The following NFRKB variants were observed in gnomAD, a reference collection of about 807,000 sequenced individuals.
The protein encoded by NFRKB is nuclear factor related to kappa-B-binding protein.
In NFRKB, 62 loss-of-function variants were observed where a neutral mutation model predicts 135.7. The ratio of observed to expected loss-of-function variants is 0.46; its 90% CI spans 0.37 to 0.56. The LOEUF is 0.56. Among genes scored for constraint, NFRKB ranks in the 20% least tolerant of loss-of-function variants. The pLI is 0.00. For synonymous variants in NFRKB, 678 were observed against 635.6 expected (o/e 1.07, Z -1.00); for missense variants, 1,545 against 1,662.0 (o/e 0.93, Z 1.22).
In NFRKB at chr11:129,878,257, T is replaced by C. The variant is rs1317624819; in HGVS notation, c.1511+52A>G. ...AAGTATTAACAAAACCAAGGCAGTA[T>C]CTGAACTACAGTTTCCCAGGACACC... On this transcript the variant is annotated intron_variant, in intron 15 of 26. Transcript: ENST00000682444. The C allele has an allele frequency of 7.0e-6, 11 of 1,580,662 alleles. No homozygotes were observed. In the African/African-American group the frequency reaches 1.5e-4, roughly 21 times the overall value.
rs767088014 is a variant in NFRKB, at chr11:129,883,113, G to A, written c.901+9C>T. 3.7e-6 allele frequency: 6 copies of A among 1,613,718 alleles called. No individual in the cohort carries two copies. The East Asian group carries it at 1.1e-4, about 30-fold the overall frequency. ...AGATGAAGGCTCCTAGAGGGGCCCA[G>A]TCATTTACCTGCCAGAGAGCCCTTC... On this transcript the variant is annotated intron_variant, in intron 9 of 26. Transcript: ENST00000682444.
At chr11:129,883,304 C>T (rs1949118055) in intron 8 of NFRKB, 98 bp from the exon 9 acceptor site, 1 of 832,218 alleles carries the variant, frequency 1.2e-6, no homozygotes, top group Middle Eastern at 2.3e-4. Context: ...GTTAGGTACA[C>T]TTGGGGAAAT....
chr11:129,885,177 G>A (rs571683285), intron 6 of NFRKB, among the ~76,000 whole-genome samples: 3 of 152,180 alleles, frequency 2.0e-5, no homozygotes, highest in East Asian at 1.9e-4. Context: ...GCAGGGAGTC[G>A]TCTGGCGGGC....
rs1131972 is a variant in NFRKB, at chr11:129,884,749, A to G, written c.738T>C (p.Thr246=). ...VPTLSTTDMK[T]ADKVELGDSD... ...CAGCGGCAGCTTGGTTCTCACCTGCAGTTTTCATATCCGTGGTTGAAAGTG... is the reference window on the plus strand; with the variant it reads ...CAGCGGCAGCTTGGTTCTCACCTGCGGTTTTCATATCCGTGGTTGAAAGTG... The change falls in exon 7 of 27, where the codon ACT becomes ACC. Residue 246 remains threonine, a synonymous_variant. Transcript: ENST00000682444. The G allele has an allele frequency of 0.72, 1,155,063 of 1,613,148 alleles. 416,271 individuals carry two copies. The highest frequency in any genetic ancestry group is 0.94 in the African/African-American group (70,857 of 75,024).
Position 129,876,605 on chromosome 11 carries a change from TG to T in NFRKB, c.1747+115del, listed in dbSNP as rs372938900. Reference sequence around the variant, plus strand: ...TGCAATGCTTTGAAAAACTATGCCTTGTTCTCAAAGCCTACCCTGGGTGGAG... The same window carrying T: ...TGCAATGCTTTGAAAAACTATGCCTTTTCTCAAAGCCTACCCTGGGTGGAG... On this transcript the variant is annotated intron_variant, in intron 17 of 26. Coordinates refer to ENST00000682444, the MANE Select transcript of NFRKB (RefSeq NM_001143835.2). The T allele has an allele frequency of 2.8e-5, 33 of 1,159,076 alleles. No individual in the cohort carries two copies. The African/African-American group carries it at 4.8e-4, about 17-fold the overall frequency. 71.8% of individuals were successfully genotyped at this position (1,159,076 alleles called of 1,614,324 possible). A position where few individuals can be genotyped will look rare whatever the true frequency, so the allele number is the denominator to read the frequency against.
chr11:129,885,601 C>A lies in NFRKB; in HGVS notation c.474G>T (p.Leu158=). The change falls in exon 6 of 27, where the codon CTG becomes CTT. Residue 158 remains leucine, a synonymous_variant. Transcript: ENST00000682444. The part of the protein sequence containing the change: ...KQILASRSDL[L]EMARRSGPAL... ...CGGGGCCACTCCGCCGGGCCATCTC[C>A]AGCAGATCCTAGGTAGAGATCAGGT... The A allele has an allele frequency of 6.2e-7, 1 of 1,609,368 alleles. No homozygotes were observed. The highest frequency in any genetic ancestry group is 8.5e-7 in the Non-Finnish European group (1 of 1,176,544).
intron 3 of NFRKB, among the ~76,000 whole-genome samples, chr11:129,892,451 C>G (rs1259763054): frequency 6.6e-6 from 1 of 152,082 alleles, no homozygotes; most frequent in African/African-American, 2.4e-5. Flanking sequence ...TGAAAATTAT[C>G]TTGTTAAAAA....
chr11:129,877,193 C>T, intron 16 of NFRKB, 132 bp downstream of exon 16: 1 of 935,168 alleles, frequency 1.1e-6, no homozygotes, highest in South Asian at 1.5e-5. Flanking sequence ...ACAAGTAATC[C>T]CAGCCAACAG....
Position 129,881,487 on chromosome 11 carries a change from G to A in NFRKB, c.1340C>T (p.Pro447Leu), listed in dbSNP as rs955284418. ...GGTTTTCTCTTTGAATTCAACAAAT[G>A]GAGAGAAACTGGAAGGAACAGCTGC... ...ESRAVPSSFSPFVEFKEKTQQ... is the reference protein window; with the variant it reads ...ESRAVPSSFSLFVEFKEKTQQ... Residue 447 changes from proline (P) to leucine (L), a missense_variant, in exon 13 of 27, where the codon CCA (proline) becomes CTA (leucine). Coordinates refer to ENST00000682444, the MANE Select transcript of NFRKB (RefSeq NM_001143835.2). 3 of 1,614,004 alleles carry A rather than the reference G, an allele frequency of 1.9e-6. No individual in the cohort carries two copies. Among genetic ancestry groups the A allele is most frequent in the Non-Finnish European group, 2.5e-6 (3 of 1,180,038 alleles).
intron 3 of NFRKB, among the ~76,000 whole-genome samples, chr11:129,890,039 T>TTG (rs769518683): frequency 1.3e-5 from 2 of 150,620 alleles, no homozygotes; most frequent in Admixed American, 6.6e-5. Context: ...GTTTTTTTTT[T>TTG]TTGTTTTTTT....
At position 129,888,597 on chromosome 11, in the gene NFRKB, G is replaced by T. The variant is rs758993367; in HGVS notation, c.334C>A (p.Arg112=). 1.2e-6 allele frequency: 2 copies of T among 1,614,102 alleles called. No homozygotes were observed. Among genetic ancestry groups the T allele is most frequent in the Non-Finnish European group, 1.7e-6 (2 of 1,180,002 alleles). ...NPLHIAQKLF[R]DGHFNPEVVK... is the part of the protein sequence containing the mutation. The stretch of plus-strand genomic sequence containing the variant: ...GAAAGAATACTGAGCTACAAACCTC[G>T]GAAAAGCTTCTGGGCAATGTGCAGA... The change falls in exon 4 of 27, where the codon CGA becomes AGA. Residue 112 remains arginine (R), a synonymous_variant. Coordinates refer to ENST00000682444, the MANE Select transcript of NFRKB (RefSeq NM_001143835.2).
intron 4 of NFRKB, 33 bp downstream of exon 4, chr11:129,888,560 AC>A (rs779528129): frequency 4.4e-6 from 7 of 1,592,792 alleles, no homozygotes; most frequent in Non-Finnish European, 6.0e-6. Context: ...CCCATCCACC[AC>A]CCCCCTCAAA....
In NFRKB at chr11:129,870,412, A is replaced by G. The variant is rs1056313558; in HGVS notation, c.2764-151T>C. 7 of 876,742 alleles carry G rather than the reference A, an allele frequency of 8.0e-6. No homozygotes were observed. In the African/African-American group the frequency reaches 1.0e-4, roughly 13 times the overall value. 54.3% of individuals were successfully genotyped at this position (876,742 alleles called of 1,614,324 possible). On this transcript the variant is annotated intron_variant, in intron 23 of 26. Coordinates refer to ENST00000682444, the MANE Select transcript of NFRKB (RefSeq NM_001143835.2). ...AACATTCACAGAAGTAGAGAACAGTATAACAAACCCTTATACCCTTTCACC... is the reference window on the plus strand; with the variant it reads ...AACATTCACAGAAGTAGAGAACAGTGTAACAAACCCTTATACCCTTTCACC...
Position 129,864,767 on chromosome 11 carries a change from C to T in NFRKB, c.3858G>A (p.Val1286=). Reference sequence around the variant, plus strand: ...CCTGTTTAGGAGACGGAGCTGTAGTCACAACAACAGTGGAGACTGCTTTGG... The same window carrying T: ...CCTGTTTAGGAGACGGAGCTGTAGTTACAACAACAGTGGAGACTGCTTTGG... ...GSSKAVSTVV[V]TTAPSPKQAP... is the part of the protein sequence containing the mutation. Residue 1286 remains valine (V), a synonymous_variant, in exon 27 of 27, where the codon GTG becomes GTA. Transcript: ENST00000682444. 1 of 1,614,212 alleles carries T rather than the reference C, an allele frequency of 6.2e-7. No individual in the cohort carries two copies. Among genetic ancestry groups the T allele is most frequent in the East Asian group, 2.2e-5 (1 of 44,884 alleles).
chr11:129,874,753 TCCCCAGTCTG>T lies in NFRKB; in HGVS notation c.1978+30_1978+39del, dbSNP rs2135646799. On this transcript the variant is annotated intron_variant, in intron 19 of 26. Coordinates refer to ENST00000682444, the MANE Select transcript of NFRKB (RefSeq NM_001143835.2). The surrounding 1 kb of genome is among the most constrained non-coding windows in gnomAD (Gnocchi z 4.5). ...AATTGGGGTAGAAAGTCAGAACGTA[TCCCCAGTCTG>T]GTCGGACAGTGCCCAGAGGCCTCAC... 1 of 1,613,998 alleles carries T rather than the reference TCCCCAGTCTG, an allele frequency of 6.2e-7. No homozygotes were observed. The highest frequency in any genetic ancestry group is 2.2e-5 in the East Asian group (1 of 44,882).
Position 129,885,546 on chromosome 11 carries a change from G to A in NFRKB, c.529C>T (p.Pro177Ser). ...ALPFRQKRPS[P>S]SRTPEEREWR... ...TCCCGCTCCTCAGGTGTGCGGGATG[G>A]TGAAGGGCGTTTCTGCCGGAAGGGA... Residue 177 changes from proline (P) to serine (S), a missense_variant, in exon 6 of 27, where the codon CCA becomes TCA. Pro to Ser is a moderately conservative substitution (Grantham distance 74). This residue lies in a region of NFRKB where 678 missense variants were observed against 646.7 expected (regional missense o/e 1.05). Transcript: ENST00000682444. 2 of 1,614,030 alleles carry A rather than the reference G, an allele frequency of 1.2e-6. No homozygotes were observed. Among genetic ancestry groups the A allele is most frequent in the Non-Finnish European group, 1.7e-6 (2 of 1,179,868 alleles).
chr11:129,874,211 T>C lies in NFRKB; in HGVS notation c.2181A>G (p.Thr727=). The C allele has an allele frequency of 6.6e-7, 1 of 1,520,936 alleles. No individual in the cohort carries two copies. The allele number at this position is 1,520,936 out of a possible 1,614,324, so 94.2% of individuals were successfully genotyped here. Residue 727 remains threonine (T), a synonymous_variant, in exon 21 of 27, where the codon ACA becomes ACG. Coordinates refer to ENST00000682444, the MANE Select transcript of NFRKB (RefSeq NM_001143835.2). This position sits in a 1 kb window ranked among gnomAD's most constrained non-coding sequence, Gnocchi z 4.5. ...AGATGGGAATGGCGGGCAATGCTGG[T>C]GTGGTGGGGGTTACAGGTGTGACTG... The part of the protein sequence containing the change: ...PTPVTPVTPT[T]PALPAIPISP...
At chr11:129,871,831 C>A (rs143166325) in intron 23 of NFRKB, among the ~76,000 whole-genome samples, 1 of 152,196 alleles carries the variant, frequency 6.6e-6, no homozygotes, top group Non-Finnish European at 1.5e-5. Flanking sequence ...CCCTTGCTCA[C>A]CATCTTCCAG....
rs557670085 is a variant in NFRKB, at chr11:129,890,247, G to A, written c.136-1452C>T. 7.9e-5 allele frequency among the ~76,000 whole-genome samples: 12 copies of A among 152,144 alleles called. No individual in the cohort carries two copies. In the South Asian group the frequency reaches 1.9e-3, roughly 24 times the overall value. On this transcript the variant is annotated intron_variant, in intron 3 of 26. Transcript: ENST00000682444. ...CCACTCCAGGCATCTTTGCATGAAC[G>A]TATCAAAAACACCTCAGTCCCAATG...
Sources: gnomAD v4.1 joint callset for allele counts (sites outside exome capture counted in the v4.1 genomes callset) on GRCh38, gnomAD v4.1.1 for gene constraint, gnomAD v4.1.1 regional missense constraint, Gnocchi (gnomAD v3.1) non-coding constraint, MANE v1.5 for transcripts, NCBI Gene and HGNC (gene_info 2026-07-23, HGNC 2026-07-21) for gene names.